Variants in MAP2K3 observed in about 807,000 individuals in gnomAD.
MAP2K3 encodes mitogen-activated protein kinase kinase 3, also known as dual specificity mitogen-activated protein kinase kinase 3.
A neutral mutation model predicts 46.4 loss-of-function variants in MAP2K3; 30 were observed. That is an observed-to-expected ratio of 0.65 (90% CI 0.48 to 0.88). The LOEUF (loss-of-function observed/expected upper bound fraction) is 0.88, where lower values mean the gene tolerates loss of function less well. MAP2K3 is among the 40% of genes least tolerant of loss of function. MAP2K3 has a pLI of 0.00. For synonymous variants in MAP2K3, 189 were observed against 176.3 expected (o/e 1.07, Z -0.57); for missense variants, 380 against 464.5 (o/e 0.82, Z 1.67).
chr17:21,295,596 C>T, intron 1 of MAP2K3: 2 of 1,282,198 alleles, frequency 1.6e-6, no homozygotes, highest in Non-Finnish European at 2.0e-6. Flanking sequence ...ATGACGGCCT[C>T]ACCCACTCCC....
chr17:21,313,866 G>T (rs1438496607), intron 11 of MAP2K3: 1 of 573,500 alleles, frequency 1.7e-6, no homozygotes, highest in Non-Finnish European at 3.1e-6. Flanking sequence ...TCTCCTGATG[G>T]AGAGGCTGTC....
chr17:21,302,093 C>G, intron 5 of MAP2K3, 50 bp from the exon 6 acceptor site: 1 of 1,581,148 alleles, frequency 6.3e-7, no homozygotes, highest in Non-Finnish European at 8.7e-7. Context: ...GCAGGTGGTG[C>G]AGACACGGGC....
chr17:21,298,933 G>A lies in MAP2K3; in HGVS notation c.165+7G>A, dbSNP rs764771409. 1.2e-6 allele frequency: 2 copies of A among 1,614,254 alleles called. No homozygotes were observed. The highest frequency in any genetic ancestry group is 1.7e-6 in the Non-Finnish European group (2 of 1,180,058). Reference sequence around the variant, plus strand: ...CATCACCATTGGAGACAGAGTAGGTGCCAGCCGCCACCCCTGCAGGGCCTC... The same window carrying A: ...CATCACCATTGGAGACAGAGTAGGTACCAGCCGCCACCCCTGCAGGGCCTC... On this transcript the variant is annotated splice_region_variant and intron_variant, in intron 3 of 11. Coordinates refer to ENST00000342679, the MANE Select transcript of MAP2K3 (RefSeq NM_145109.3).
At chr17:21,298,730 A>T in intron 2 of MAP2K3, 148 bp from the exon 3 acceptor site, 1 of 1,233,556 alleles carries the variant, frequency 8.1e-7, no homozygotes, top group Non-Finnish European at 1.2e-6. Flanking sequence ...GATGCTCAGC[A>T]GCCAGTGAGA....
chr17:21,302,157 C>G lies in MAP2K3; in HGVS notation c.414C>G (p.Ile138Met). Residue 138 changes from isoleucine (I) to methionine (M), a missense_variant, in exon 6 of 12, where the codon ATC (isoleucine) becomes ATG (methionine). Coordinates refer to ENST00000342679, the MANE Select transcript of MAP2K3 (RefSeq NM_145109.3). ...GALFREGDVWICMELMDTSLD... is the reference protein window; with the variant it reads ...GALFREGDVWMCMELMDTSLD... Reference sequence around the variant, plus strand: ...GTCACCCACAGGGAGACGTGTGGATCTGCATGGAGCTCATGGACACATCCT... The same window carrying G: ...GTCACCCACAGGGAGACGTGTGGATGTGCATGGAGCTCATGGACACATCCT... The G allele has an allele frequency of 6.2e-7, 1 of 1,614,270 alleles. No individual in the cohort carries two copies. Among genetic ancestry groups the G allele is most frequent in the Non-Finnish European group, 8.5e-7 (1 of 1,180,030 alleles).
At chr17:21,287,278 T>G (rs1975748813) in intron 1 of MAP2K3, among the ~76,000 whole-genome samples, 1 of 152,248 alleles carries the variant, frequency 6.6e-6, no homozygotes, top group African/African-American at 2.4e-5. Context: ...CGCTTTACAC[T>G]GGGCCTGTTG....
intron 1 of MAP2K3, among the ~76,000 whole-genome samples, chr17:21,290,753 C>A (rs1396529764): frequency 3.7e-4 from 56 of 152,394 alleles, no homozygotes; most frequent in African/African-American, 1.3e-3. Flanking sequence ...AGTTCACAAC[C>A]AGCCTGGGCA....
At chr17:21,294,780 C>T (rs977728438) in intron 1 of MAP2K3, among the ~76,000 whole-genome samples, 1 of 152,312 alleles carries the variant, frequency 6.6e-6, no homozygotes, top group African/African-American at 2.4e-5. Flanking sequence ...GCGCCAGGCA[C>T]TGCTATGGCA....
At chr17:21,295,901 G>A in intron 1 of MAP2K3, 1 of 1,269,784 alleles carries the variant, frequency 7.9e-7, no homozygotes, top group African/African-American at 1.5e-5. Context: ...GTGTGGCGTG[G>A]ACCCCACAGG....
intron 2 of MAP2K3, 127 bp from the exon 3 acceptor site, chr17:21,298,751 G>A (rs77850849): frequency 3.7e-6 from 5 of 1,362,088 alleles, no homozygotes; most frequent in Non-Finnish European, 5.1e-6. Context: ...GGAGGTGGCC[G>A]GAGAAGGCGC....
In MAP2K3 at chr17:21,302,312, C is replaced by T; in HGVS notation, c.516+53C>T. The T allele has an allele frequency of 3.3e-6, 5 of 1,512,668 alleles. No homozygotes were observed. The East Asian group carries it at 9.1e-5, about 27-fold the overall frequency. 93.7% of individuals were successfully genotyped at this position (1,512,668 alleles called of 1,614,324 possible). On this transcript the variant is annotated intron_variant, in intron 6 of 11. Transcript: ENST00000342679. ...GGTCCTAGGTGCATAGGCAGAGGCC[C>T]AGCCCTGCCAGCAGGCATGGAGCCT...
intron 1 of MAP2K3, among the ~76,000 whole-genome samples, chr17:21,297,097 T>C (rs1251222558): frequency 6.6e-6 from 1 of 152,308 alleles, no homozygotes; most frequent in African/African-American, 2.4e-5. Flanking sequence ...CTATTCTGTT[T>C]CCTGTTGTTC....
chr17:21,298,793 C>G, intron 2 of MAP2K3, 85 bp from the exon 3 acceptor site: 1 of 1,601,216 alleles, frequency 6.2e-7, no homozygotes, highest in South Asian at 1.1e-5. Flanking sequence ...GTCCCCACGC[C>G]AGGCCCCACA....
chr17:21,295,286 C>G (rs899434151), intron 1 of MAP2K3, among the ~76,000 whole-genome samples: 57 of 152,288 alleles, frequency 3.7e-4, no homozygotes, highest in African/African-American at 1.3e-3. Flanking sequence ...TCTGGGGGTG[C>G]CTCTCTTTAC....
At chr17:21,294,057 A>T (rs1976099096) in intron 1 of MAP2K3, among the ~76,000 whole-genome samples, 1 of 152,310 alleles carries the variant, frequency 6.6e-6, no homozygotes, top group Non-Finnish European at 1.5e-5. Flanking sequence ...AAACACATCC[A>T]TCCACACCGT....
chr17:21,296,286 C>T lies in MAP2K3; in HGVS notation c.50-2127C>T, dbSNP rs866638323. 9.1e-6 allele frequency: 9 copies of T among 990,508 alleles called. No homozygotes were observed. In the Admixed American group the frequency reaches 1.2e-4, roughly 13 times the overall value. 61.4% of individuals were successfully genotyped at this position (990,508 alleles called of 1,614,324 possible). A position where few individuals can be genotyped will look rare whatever the true frequency, so the allele number is the denominator to read the frequency against. On this transcript the variant is annotated intron_variant, in intron 1 of 11. Coordinates refer to ENST00000342679, the MANE Select transcript of MAP2K3 (RefSeq NM_145109.3). ...GCAGAGGAGGGCACCATGCCAGGGTCGCAGAGCTGGAGTTTACCACGGCTG... is the reference window on the plus strand; with the variant it reads ...GCAGAGGAGGGCACCATGCCAGGGTTGCAGAGCTGGAGTTTACCACGGCTG...
intron 9 of MAP2K3, among the ~76,000 whole-genome samples, chr17:21,308,170 G>A (rs1275596353): frequency 1.0e-5 from 1 of 98,080 alleles, no homozygotes; most frequent in Non-Finnish European, 2.1e-5. Flanking sequence ...TTTTTTTTGA[G>A]GGAGTCTCAC....
At chr17:21,306,991 G>T (rs1325075471) in intron 9 of MAP2K3, among the ~76,000 whole-genome samples, 1 of 152,306 alleles carries the variant, frequency 6.6e-6, no homozygotes, top group African/African-American at 2.4e-5. Flanking sequence ...TCACTATGTT[G>T]CCCAGGCTGG....
chr17:21,291,672 G>A, intron 1 of MAP2K3: 1 of 442,524 alleles, frequency 2.3e-6, no homozygotes, highest in South Asian at 1.6e-5. Flanking sequence ...TGGGGCCAGA[G>A]TCCCACCGAT....
Sources: gnomAD v4.1 joint callset for allele counts (sites outside exome capture counted in the v4.1 genomes callset) on GRCh38, gnomAD v4.1.1 for gene constraint, MANE v1.5 for transcripts, NCBI Gene and HGNC (gene_info 2026-07-23, HGNC 2026-07-21) for gene names.